Variants in ADRA1A observed in about 807,000 individuals in gnomAD.
ADRA1A encodes the protein alpha-1A adrenergic receptor.
A neutral mutation model predicts 29.6 loss-of-function variants in ADRA1A; 31 were observed. The ratio of observed to expected loss-of-function variants is 1.05; its 90% confidence interval spans 0.79 to 1.41. The LOEUF (loss-of-function observed/expected upper bound fraction) is 1.41. Among genes scored for constraint, ADRA1A ranks in the 40% most tolerant of loss-of-function variants. ADRA1A has a pLI of 0.00. For missense variants in ADRA1A, 619 were observed against 601.1 expected, an observed-to-expected ratio of 1.03 and a Z score of -0.31; for synonymous variants, 311 against 254.3, an observed-to-expected ratio of 1.22 and a Z score of -2.12.
In ADRA1A at chr8:26,841,325, T is replaced by C. The variant is rs528708745; in HGVS notation, c.883+22762A>G. Among the ~76,000 whole-genome samples, 2 of 152,162 alleles carry C rather than the reference T, an allele frequency of 1.3e-5. No homozygotes were observed. Among genetic ancestry groups the C allele is most frequent in the Non-Finnish European group, 2.9e-5 (2 of 68,022 alleles). On this transcript the variant is annotated intron_variant, in intron 2 of 2. Transcript: ENST00000380573. The surrounding 1 kb of genome is among the most constrained non-coding windows in gnomAD (Gnocchi z 4.4). ...AGAGGACCACAGTCTCAAGGCCACC[T>C]ACAGTTTCCTTTACCACCCACTGTC...
intron 2 of ADRA1A, among the ~76,000 whole-genome samples, chr8:26,780,650 C>A (rs1806907401): frequency 6.6e-6 from 1 of 152,178 alleles, no homozygotes; most frequent in Non-Finnish European, 1.5e-5. Context: ...GGCCACAGAC[C>A]AGTACCAGTC....
chr8:26,784,348 A>G (rs1284351713), intron 2 of ADRA1A, among the ~76,000 whole-genome samples: 1 of 152,198 alleles, frequency 6.6e-6, no homozygotes, highest in Non-Finnish European at 1.5e-5. Flanking sequence ...TGCTCACCCA[A>G]TATCTGCTCC....
intron 2 of ADRA1A, among the ~76,000 whole-genome samples, chr8:26,800,025 G>A (rs988344026): frequency 6.6e-6 from 1 of 152,204 alleles, no homozygotes; most frequent in Non-Finnish European, 1.5e-5. Flanking sequence ...GTGGGAGGCT[G>A]AGGATTGTGG....
intron 2 of ADRA1A, among the ~76,000 whole-genome samples, chr8:26,797,856 A>G (rs748787471): frequency 7.2e-5 from 11 of 152,158 alleles, no homozygotes; most frequent in Non-Finnish European, 1.2e-4. Flanking sequence ...GTCAGTACAT[A>G]ATTGTTAAGT....
downstream of ADRA1A, among the ~76,000 whole-genome samples, chr8:26,752,544 C>A (rs1024642221): frequency 2.0e-5 from 3 of 152,218 alleles, no homozygotes; most frequent in African/African-American, 7.2e-5. Context: ...TCTGTGCCTG[C>A]AGCTTGATTT....
At chr8:26,748,404 T>A (rs1337979489) in exon 3 of ADRA1A, 1 of 168,464 alleles carries the variant, frequency 5.9e-6, no homozygotes, top group Non-Finnish European at 1.3e-5. Context: ...CTGAGCAAGA[T>A]TTCATCCACA....
chr8:26,826,969 G>A (rs1810619856), intron 2 of ADRA1A, among the ~76,000 whole-genome samples: 1 of 152,190 alleles, frequency 6.6e-6, no homozygotes, highest in African/African-American at 2.4e-5. Context: ...CACAGTCTGA[G>A]GGAGGACACA....
intron 2 of ADRA1A, among the ~76,000 whole-genome samples, chr8:26,813,693 T>G (rs986728691): frequency 9.9e-5 from 15 of 152,098 alleles, no homozygotes; most frequent in Non-Finnish European, 1.6e-4. Flanking sequence ...CAAAGTTGCC[T>G]AATTAGAAAG....
At chr8:26,824,774 G>A (rs1810428911) in intron 2 of ADRA1A, among the ~76,000 whole-genome samples, 1 of 152,164 alleles carries the variant, frequency 6.6e-6, no homozygotes, top group Non-Finnish European at 1.5e-5. Flanking sequence ...AATTACCATA[G>A]CATCATTTCA....
At chr8:26,829,893 C>T (rs1431753460) in intron 2 of ADRA1A, among the ~76,000 whole-genome samples, 1 of 129,514 alleles carries the variant, frequency 7.7e-6, no homozygotes, top group African/African-American at 3.0e-5. Context: ...ACAAACAAGC[C>T]AAGTAGAGGT....
At chr8:26,780,552 C>A (rs189042552) in intron 2 of ADRA1A, among the ~76,000 whole-genome samples, 1 of 152,302 alleles carries the variant, frequency 6.6e-6, no homozygotes, top group Admixed American at 6.5e-5. Context: ...TCCACGAGCC[C>A]TTCTTTGTTA....
intron 2 of ADRA1A, among the ~76,000 whole-genome samples, chr8:26,771,342 C>A (rs1806127984): frequency 6.6e-6 from 1 of 152,222 alleles, no homozygotes; most frequent in Non-Finnish European, 1.5e-5. Context: ...TCTGGTCTAA[C>A]CAGCTTTCTA....
chr8:26,847,214 T>TATA (rs1349446751), intron 2 of ADRA1A, among the ~76,000 whole-genome samples: 1 of 151,558 alleles, frequency 6.6e-6, no homozygotes, highest in African/African-American at 2.4e-5. Flanking sequence ...AAACTTAAAG[T>TATA]ATAATAATAA....
Position 26,841,894 on chromosome 8 carries a change from A to G in ADRA1A, c.883+22193T>C, listed in dbSNP as rs903264303. On this transcript the variant is annotated intron_variant, in intron 2 of 2. Transcript: ENST00000380573. The surrounding 1 kb of genome is among the most constrained non-coding windows in gnomAD (Gnocchi z 4.4). ...AAAATTCTCTCTTCTTTTTGTTGCC[A>G]GGATTTTATGCTGTGGTGAGTCTCC... is the stretch of plus-strand genomic sequence containing the variant. Among the ~76,000 whole-genome samples the G allele has an allele frequency of 1.3e-5, 2 of 152,132 alleles. No homozygotes were observed. The highest frequency in any genetic ancestry group is 4.8e-5 in the African/African-American group (2 of 41,412).
intron 2 of ADRA1A, chr8:26,756,900 C>A: frequency 7.0e-7 from 1 of 1,434,898 alleles, no homozygotes; most frequent in East Asian, 2.5e-5. Flanking sequence ...ACTCCAAACC[C>A]AATGTGTCCA....
intron 2 of ADRA1A, among the ~76,000 whole-genome samples, chr8:26,812,810 G>T (rs375395942): frequency 6.6e-6 from 1 of 151,364 alleles, no homozygotes; most frequent in Non-Finnish European, 1.5e-5. Flanking sequence ...GATTACAGGC[G>T]CCCGCCACCA....
At chr8:26,863,944 G>T in intron 2 of ADRA1A, 143 bp downstream of exon 2, 1 of 823,872 alleles carries the variant, frequency 1.2e-6, no homozygotes, top group Non-Finnish European at 1.8e-6. Flanking sequence ...TTTCTACAAG[G>T]GAGCCTTTTC....
chr8:26,837,098 C>T (rs547062224), intron 2 of ADRA1A, among the ~76,000 whole-genome samples: 1 of 151,232 alleles, frequency 6.6e-6, no homozygotes, highest in South Asian at 2.1e-4. Flanking sequence ...GGTAGATATA[C>T]AATGGCTAGT....
Position 26,865,184 on chromosome 8 carries a change from A to T in ADRA1A, c.-215T>A. 4.3e-6 allele frequency: 6 copies of T among 1,404,566 alleles called. No homozygotes were observed. The highest frequency in any genetic ancestry group is 9.2e-7 in the Non-Finnish European group (1 of 1,081,814). 87.0% of individuals were successfully genotyped at this position (1,404,566 alleles called of 1,614,324 possible). A position where few individuals can be genotyped will look rare whatever the true frequency, so the allele number is the denominator to read the frequency against. Reference sequence around the variant, plus strand: ...AGGCCACATGAAGGGGCAGGGCATTAAAGACATGGCCAGGGGCGCGCGGGG... The same window carrying T: ...AGGCCACATGAAGGGGCAGGGCATTTAAGACATGGCCAGGGGCGCGCGGGG... On this transcript the variant is annotated 5_prime_UTR_variant, in exon 2 of 3. It introduces an in-frame stop codon into an upstream open reading frame of the 5' UTR. Coordinates refer to ENST00000380573, the MANE Select transcript of ADRA1A (RefSeq NM_000680.4). The surrounding 1 kb of genome is among the most constrained non-coding windows in gnomAD (Gnocchi z 7.6).
Sources: gnomAD v4.1 joint callset for allele counts (sites outside exome capture counted in the v4.1 genomes callset) on GRCh38, gnomAD v4.1.1 for gene constraint, Gnocchi (gnomAD v3.1) non-coding constraint, MANE v1.5 for transcripts, NCBI Gene and HGNC (gene_info 2026-07-23, HGNC 2026-07-21) for gene names.